Variants in SMIM36 observed in about 807,000 individuals in gnomAD.
SMIM36 encodes small integral membrane protein 36.
the SMIM36 span, among the ~76,000 whole-genome samples, chr17:55,526,471 T>TAATA: frequency 6.6e-5 from 10 of 152,224 alleles, no homozygotes; most frequent in Middle Eastern, 3.4e-3. Context: ...GAAAGACTAT[T>TAATA]ATTATCCCCA....
chr17:55,502,063 T>G (rs1195536875), intron 1 of SMIM36, among the ~76,000 whole-genome samples: 7 of 151,746 alleles, frequency 4.6e-5, no homozygotes, highest in East Asian at 1.9e-4. Flanking sequence ...CACCTGGCTC[T>G]GAGGGTCCTA....
chr17:55,498,163 T>C (rs1015669174), intron 1 of SMIM36, among the ~76,000 whole-genome samples: 1 of 152,212 alleles, frequency 6.6e-6, no homozygotes, highest in African/African-American at 2.4e-5. Flanking sequence ...CAAAATTCCC[T>C]TTTTATAACG....
At chr17:55,483,559 G>C (rs1318670291) in intron 1 of SMIM36, among the ~76,000 whole-genome samples, 3 of 152,244 alleles carry the variant, frequency 2.0e-5, no homozygotes, top group South Asian at 4.1e-4. Flanking sequence ...GACTGCCTTC[G>C]GACTTGAGCT....
chr17:55,467,147 A>T (rs1909253917), exon 4 of SMIM36: 2 of 152,228 alleles, frequency 1.3e-5, no homozygotes, highest in Non-Finnish European at 2.9e-5. Flanking sequence ...ATACTTACAC[A>T]GTGTTTGTTA....
chr17:55,462,283 CTGTT>C (rs1909159390), intron 4 of SMIM36, among the ~76,000 whole-genome samples: 1 of 152,142 alleles, frequency 6.6e-6, no homozygotes, highest in African/African-American at 2.4e-5. Flanking sequence ...TAACCTCTGG[CTGTT>C]CATTTCCTCA....
intron 1 of SMIM36, among the ~76,000 whole-genome samples, chr17:55,482,576 C>T (rs552237430): frequency 1.3e-5 from 2 of 152,172 alleles, no homozygotes; most frequent in Non-Finnish European, 2.9e-5. Flanking sequence ...TGATTCATTT[C>T]TGTGTCTTCA....
At chr17:55,455,799 A>AAAAC (rs554626080) in intron 4 of SMIM36, among the ~76,000 whole-genome samples, 14 of 151,938 alleles carry the variant, frequency 9.2e-5, no homozygotes, top group East Asian at 7.7e-4. Flanking sequence ...TTCAAAAACA[A>AAAAC]AAACAAACAA....
At chr17:55,473,265 G>A (rs1169244310) in intron 3 of SMIM36, among the ~76,000 whole-genome samples, 3 of 152,138 alleles carry the variant, frequency 2.0e-5, no homozygotes, top group African/African-American at 7.2e-5. Flanking sequence ...CAGCCCCCAA[G>A]GCTTTCTCAG....
At chr17:55,520,353 T>A in the SMIM36 span, among the ~76,000 whole-genome samples, 1 of 152,210 alleles carries the variant, frequency 6.6e-6, no homozygotes, top group African/African-American at 2.4e-5. Flanking sequence ...TAACCACCAA[T>A]CTTAGCAACC....
intron 3 of SMIM36, among the ~76,000 whole-genome samples, chr17:55,477,338 G>C (rs1167876298): frequency 6.6e-6 from 1 of 152,102 alleles, no homozygotes; most frequent in Non-Finnish European, 1.5e-5. Flanking sequence ...GCCTTCTCTG[G>C]CTTCCAGTGT....
intron 4 of SMIM36, among the ~76,000 whole-genome samples, chr17:55,466,578 C>A (rs1441728487): frequency 1.3e-5 from 2 of 152,204 alleles, no homozygotes; most frequent in African/African-American, 4.8e-5. Flanking sequence ...AAGCACAGAA[C>A]CTGTAGCTTG....
In SMIM36 at chr17:55,492,219, TTTTTC is replaced by T. The variant is rs145456238; in HGVS notation, c.*175-12644_*175-12640del. Among the ~76,000 whole-genome samples, 309 of 144,396 alleles carry T rather than the reference TTTTTC, an allele frequency of 2.1e-3. 7 individuals are homozygous for T. Among genetic ancestry groups the T allele is most frequent in the African/African-American group, 7.7e-3 (285 of 36,788 alleles). 94.7% of individuals were successfully genotyped at this position (144,396 alleles called of 152,430 possible). On this transcript the variant is annotated intron_variant, in intron 1 of 4. Coordinates refer to ENST00000636752, the Ensembl canonical transcript of SMIM36. ...AACTCCTCTTGATATTGATATTTCT[TTTTTC>T]TTTTCTTTTCTTTCTTTCTTTTTTT...
At chr17:55,514,239 T>C (rs1475166261), upstream of SMIM36, among the ~76,000 whole-genome samples, 1 of 152,144 alleles carries the variant, frequency 6.6e-6, no homozygotes, top group Non-Finnish European at 1.5e-5. Flanking sequence ...GAAAAAAACT[T>C]GGCAATAGGC....
chr17:55,515,574 T>G (rs1235662908), upstream of SMIM36, among the ~76,000 whole-genome samples: 3 of 152,134 alleles, frequency 2.0e-5, no homozygotes, highest in African/African-American at 7.2e-5. Flanking sequence ...ATAAGCAGGC[T>G]GTGTGAGGGC....
chr17:55,502,070 C>A (rs1242830289), intron 1 of SMIM36, among the ~76,000 whole-genome samples: 16 of 151,820 alleles, frequency 1.1e-4, no homozygotes, highest in Non-Finnish European at 1.8e-4. Flanking sequence ...CTCTGAGGGT[C>A]CTACGCCCAC....
At chr17:55,490,892 T>C (rs1909691169) in intron 1 of SMIM36, among the ~76,000 whole-genome samples, 1 of 152,040 alleles carries the variant, frequency 6.6e-6, no homozygotes, top group Non-Finnish European at 1.5e-5. Flanking sequence ...CCATTTTTTT[T>C]TTTTCTCTAC....
the SMIM36 span, among the ~76,000 whole-genome samples, chr17:55,530,762 G>A: frequency 6.6e-6 from 1 of 151,182 alleles, no homozygotes; most frequent in Non-Finnish European, 1.5e-5. Context: ...CAGCCTGGGT[G>A]ACAGAGCTAG....
chr17:55,522,282 C>T, the SMIM36 span, among the ~76,000 whole-genome samples: 3 of 152,204 alleles, frequency 2.0e-5, no homozygotes, highest in Admixed American at 1.3e-4. Context: ...TCCCTGCTTC[C>T]TTCAGATCAT....
At chr17:55,504,191 C>T (rs1910043961) in intron 1 of SMIM36, among the ~76,000 whole-genome samples, 1 of 99,014 alleles carries the variant, frequency 1.0e-5, no homozygotes, top group Non-Finnish European at 1.9e-5. Context: ...ACAAGGATAC[C>T]CAGGAATTGA....
Sources: gnomAD v4.1 joint callset for allele counts (sites outside exome capture counted in the v4.1 genomes callset) on GRCh38, gnomAD v4.1.1 for gene constraint, MANE v1.5 for transcripts, NCBI Gene and HGNC (gene_info 2026-07-23, HGNC 2026-07-21) for gene names.